Variants in DCAF8 observed in about 807,000 individuals in gnomAD.
DCAF8 encodes DDB1 and CUL4 associated factor 8.
In DCAF8, 20 loss-of-function variants were observed where a neutral mutation model predicts 68.0. That is an observed-to-expected ratio of 0.29 (90% CI 0.21 to 0.43). DCAF8 has a LOEUF of 0.43. DCAF8 is among the 20% of genes least tolerant of loss of function. The pLI, the probability that DCAF8 is intolerant of heterozygous loss-of-function variation, is 1.00. For missense variants in DCAF8, 460 were observed against 771.0 expected, an observed-to-expected ratio of 0.60 and a Z score of 4.78; for synonymous variants, 230 against 276.9, an observed-to-expected ratio of 0.83 and a Z score of 1.68.
At chr1:160,235,150 T>C (rs773883800) in intron 6 of DCAF8, among the ~76,000 whole-genome samples, 1 of 152,168 alleles carries the variant, frequency 6.6e-6, no homozygotes, top group Admixed American at 6.5e-5. Flanking sequence ...TGGTTTTTTT[T>C]TTTGAGACAG....
intron 11 of DCAF8, among the ~76,000 whole-genome samples, chr1:160,222,015 T>C (rs1004480164): frequency 3.9e-5 from 6 of 152,160 alleles, no homozygotes; most frequent in African/African-American, 1.2e-4. Context: ...TAAAAAACAA[T>C]TGCCACATTT....
At chr1:160,220,076 C>T (rs1242665020) in intron 11 of DCAF8, 1 of 152,270 alleles carries the variant, frequency 6.6e-6, no homozygotes, top group Non-Finnish European at 1.5e-5. Context: ...CTTACTTTGA[C>T]TTCCATCTTA....
chr1:160,239,291 C>A, intron 4 of DCAF8: 1 of 1,101,472 alleles, frequency 9.1e-7, no homozygotes, highest in African/African-American at 1.6e-5. Context: ...GTTACTTAAT[C>A]CTCATAACCC....
At chr1:160,232,299 G>A (rs1047846680) in intron 6 of DCAF8, among the ~76,000 whole-genome samples, 28 of 151,822 alleles carry the variant, frequency 1.8e-4, no homozygotes, top group African/African-American at 6.5e-4. Flanking sequence ...TTGAGGCTAG[G>A]AGCTCAAGAT....
In DCAF8 at chr1:160,262,471, C is replaced by T. The variant is rs1657146985; in HGVS notation, c.-123G>A. 1 of 401,438 alleles carries T rather than the reference C, an allele frequency of 2.5e-6. No homozygotes were observed. The highest frequency in any genetic ancestry group is 4.4e-6 in the Non-Finnish European group (1 of 227,876). 24.9% of individuals were successfully genotyped at this position (401,438 alleles called of 1,614,324 possible). A position where few individuals can be genotyped will look rare whatever the true frequency, so the allele number is the denominator to read the frequency against. On this transcript the variant is annotated 5_prime_UTR_variant, in exon 1 of 14. Transcript: ENST00000368074. Reference sequence around the variant, plus strand: ...TACACTGGCCAGCGGCCGCCACCACCACCGCCTCCGCTCTCTGCGCTTGCG... The same window carrying T: ...TACACTGGCCAGCGGCCGCCACCACTACCGCCTCCGCTCTCTGCGCTTGCG...
intron 3 of DCAF8, among the ~76,000 whole-genome samples, chr1:160,242,119 C>T (rs917952708): frequency 2.0e-5 from 3 of 152,072 alleles, no homozygotes; most frequent in African/African-American, 7.3e-5. Context: ...GTGGCATGTG[C>T]CTGTAATCCC....
intron 2 of DCAF8, among the ~76,000 whole-genome samples, chr1:160,256,825 T>C (rs546847788): frequency 6.6e-6 from 1 of 152,334 alleles, no homozygotes; most frequent in South Asian, 2.1e-4. Flanking sequence ...ATCTGTATCA[T>C]AACACATTCC....
chr1:160,239,938 C>T lies in DCAF8; in HGVS notation c.482G>A (p.Arg161Gln), dbSNP rs1269993925. ...RWQALPALRE[R>Q]ELGSSARFVY... ...AAAGCGGGCACTTGAACCCAGCTCC[C>T]GCTCCCGAAGGGCAGGGAGGGCTTG... Residue 161 changes from arginine to glutamine, a missense_variant, in exon 4 of 14, where the codon CGG (arginine) becomes CAG (glutamine). Arg to Gln is a conservative substitution (Grantham distance 43). This residue lies in a region of DCAF8 where 170 missense variants were observed against 318.2 expected (regional missense o/e 0.53). Coordinates refer to ENST00000368074, the MANE Select transcript of DCAF8 (RefSeq NM_015726.4). 1.2e-6 allele frequency: 2 copies of T among 1,614,228 alleles called. No individual in the cohort carries two copies. The highest frequency in any genetic ancestry group is 1.7e-6 in the Non-Finnish European group (2 of 1,180,038).
chr1:160,222,887 T>A, intron 10 of DCAF8, 106 bp from the exon 11 acceptor site: 1 of 1,459,146 alleles, frequency 6.9e-7, no homozygotes, highest in Non-Finnish European at 9.4e-7. Context: ...ATCAGCTAGA[T>A]TATGCATGTT....
At chr1:160,252,802 T>C (rs1272467674) in intron 2 of DCAF8, among the ~76,000 whole-genome samples, 8 of 152,156 alleles carry the variant, frequency 5.3e-5, no homozygotes, top group African/African-American at 1.9e-4. Context: ...CAAAGCTGAG[T>C]TAAGAAGGAC....
At chr1:160,231,684 G>A (rs1410580770) in intron 6 of DCAF8, among the ~76,000 whole-genome samples, 4 of 152,162 alleles carry the variant, frequency 2.6e-5, no homozygotes, top group Non-Finnish European at 4.4e-5. Context: ...GTATATGAAT[G>A]TACCATTCTT....
chr1:160,227,154 A>C (rs1430055617), intron 7 of DCAF8, among the ~76,000 whole-genome samples: 4 of 152,232 alleles, frequency 2.6e-5, no homozygotes, highest in Non-Finnish European at 5.9e-5. Flanking sequence ...TGAGAGCTGA[A>C]GACTGAGCTA....
At chr1:160,259,447 C>T (rs1381785471) in intron 2 of DCAF8, among the ~76,000 whole-genome samples, 5 of 152,044 alleles carry the variant, frequency 3.3e-5, no homozygotes, top group African/African-American at 9.7e-5. Flanking sequence ...GCAGGAGAAT[C>T]GCTTGAACCA....
intron 2 of DCAF8, among the ~76,000 whole-genome samples, chr1:160,247,994 T>C (rs1656408827): frequency 6.6e-6 from 1 of 152,246 alleles, no homozygotes; most frequent in Admixed American, 6.5e-5. Context: ...AATTAATCAG[T>C]TGGATTTATC....
intron 2 of DCAF8, among the ~76,000 whole-genome samples, chr1:160,254,437 A>G (rs77364457): frequency 6.6e-6 from 1 of 152,298 alleles, no homozygotes; most frequent in East Asian, 1.9e-4. Context: ...ATTTATATAC[A>G]TATGTTTATA....
In DCAF8 at chr1:160,217,610, C is replaced by T; in HGVS notation, c.1776G>A (p.Val592=). 6.2e-7 allele frequency: 1 copy of T among 1,613,750 alleles called. No homozygotes were observed. Among genetic ancestry groups the T allele is most frequent in the Non-Finnish European group, 8.5e-7 (1 of 1,179,850 alleles). Residue 592 remains valine (V), a synonymous_variant, in exon 14 of 14, where the codon GTG becomes GTA. Transcript: ENST00000368074. ...TGAGGCCTCAAGATGGCATGCACTG[C>T]ACCCGGTCAGGGCCCTCCTCCTCGT... is the stretch of plus-strand genomic sequence containing the variant. ...TSDEEEGPDR[V]QCMPS is the part of the protein sequence containing the mutation.
rs1314227368 is a variant in DCAF8, at chr1:160,222,789, GATAA to G, written c.1310-12_1310-9del. ...AGAAATTGACGCCTTTTACTGAAAT[GATAA>G]ATGAGGGAAGAAACCACATGAGGGT... On this transcript the variant is annotated splice_polypyrimidine_tract_variant and intron_variant, in intron 10 of 13. Transcript: ENST00000368074. The G allele has an allele frequency of 3.1e-6, 5 of 1,614,020 alleles. No individual in the cohort carries two copies. Among genetic ancestry groups the G allele is most frequent in the Non-Finnish European group, 1.7e-6 (2 of 1,180,008 alleles).
chr1:160,231,837 C>A (rs941299729), intron 6 of DCAF8, among the ~76,000 whole-genome samples: 2 of 152,040 alleles, frequency 1.3e-5, no homozygotes, highest in Non-Finnish European at 2.9e-5. Context: ...AAGAAGAATC[C>A]CAGAAACAGT....
At position 160,218,335 on chromosome 1, in the gene DCAF8, G is replaced by A. The variant is rs745317914; in HGVS notation, c.1666C>T (p.Arg556Cys). Residue 556 changes from arginine (R) to cysteine (C), a missense_variant, in exon 13 of 14, where the codon CGC becomes TGC. Transcript: ENST00000368074. Reference protein sequence around the residue: ...WFLMHHLRQRRHHRRWREPGV... With the variant: ...WFLMHHLRQRCHHRRWREPGV... ...CAACCCTAGCTTACCCGGTGATGGCGTCTCTGTCTCAGGTGATGCATAAGG... is the reference window on the plus strand; with the variant it reads ...CAACCCTAGCTTACCCGGTGATGGCATCTCTGTCTCAGGTGATGCATAAGG... 1.2e-6 allele frequency: 2 copies of A among 1,613,488 alleles called. No individual in the cohort carries two copies. Among genetic ancestry groups the A allele is most frequent in the Non-Finnish European group, 1.7e-6 (2 of 1,179,398 alleles).
Sources: gnomAD v4.1 joint callset for allele counts (sites outside exome capture counted in the v4.1 genomes callset) on GRCh38, gnomAD v4.1.1 for gene constraint, gnomAD v4.1.1 regional missense constraint, MANE v1.5 for transcripts, NCBI Gene and HGNC (gene_info 2026-07-23, HGNC 2026-07-21) for gene names.